The following KCNC1 variants were observed in gnomAD, a reference collection of about 807,000 sequenced individuals.
The protein encoded by KCNC1 is potassium voltage-gated channel subfamily C member 1.
In KCNC1, 8 loss-of-function variants were observed where a neutral mutation model predicts 43.4. The ratio of observed to expected loss-of-function variants is 0.18; its 90% CI spans 0.11 to 0.33. The LOEUF (loss-of-function observed/expected upper bound fraction) is 0.33. Among genes scored for constraint, KCNC1 ranks in the 10% least tolerant of loss-of-function variants. The pLI is 1.00. For missense variants in KCNC1, 420 were observed against 836.0 expected (o/e 0.50, Z 6.14); for synonymous variants, 361 against 360.5 (o/e 1.00, Z -0.01).
chr11:17,740,640 CTG>C (rs145669660), intron 1 of KCNC1, among the ~76,000 whole-genome samples: 9 of 151,838 alleles, frequency 5.9e-5, no homozygotes, highest in Non-Finnish European at 1.2e-4. Flanking sequence ...CCAGAGTGTC[CTG>C]TGTGTGTGTG....
At position 17,779,525 on chromosome 11, in the gene KCNC1, C is replaced by A; in HGVS notation, c.1574C>A (p.Ala525Asp). ...ANEDCPHIDQALTPDEGLPFT... is the reference protein window; with the variant it reads ...ANEDCPHIDQDLTPDEGLPFT... ...GAAGACTGCCCCCACATAGACCAGG[C>A]CCTCACTCCCGATGAGGGCCTGCCC... Residue 525 changes from alanine (A) to aspartate (D), a missense_variant, in exon 3 of 4, where the codon GCC becomes GAC. Ala to Asp is a moderately radical substitution (Grantham distance 126, BLOSUM62 -2). Around this residue, in one of 5 missense-constraint regions of KCNC1, gnomAD observed 147 missense variants for 176.1 expected, o/e 0.83. Transcript: ENST00000265969. The surrounding 1 kb of genome is among the most constrained non-coding windows in gnomAD (Gnocchi z 7.2). The A allele has an allele frequency of 6.4e-7, 1 of 1,551,454 alleles. No individual in the cohort carries two copies.
rs1373925644 is a variant in KCNC1, at chr11:17,758,282, T to C, written c.571-13383T>C. ...GCAATTCAGTCACATCTTCAGGCTCTACTTCTAATTCTAGCTCTCTTGCTA... is the reference window on the plus strand; with the variant it reads ...GCAATTCAGTCACATCTTCAGGCTCCACTTCTAATTCTAGCTCTCTTGCTA... On this transcript the variant is annotated intron_variant, in intron 1 of 3. Coordinates refer to ENST00000265969, the MANE Select transcript of KCNC1 (RefSeq NM_001112741.2). Among the ~76,000 whole-genome samples, 5 of 152,274 alleles carry C rather than the reference T, an allele frequency of 3.3e-5. No homozygotes were observed. The South Asian group carries it at 6.2e-4, about 19-fold the overall frequency.
intron 1 of KCNC1, among the ~76,000 whole-genome samples, chr11:17,766,069 G>C (rs1431057882): frequency 6.6e-6 from 1 of 152,230 alleles, no homozygotes; most frequent in Non-Finnish European, 1.5e-5. Context: ...GGTCGGGAGA[G>C]AGAAGTCTGC....
chr11:17,773,209 G>A lies in KCNC1; in HGVS notation c.1504+611G>A. The A allele has an allele frequency of 5.1e-6, 5 of 986,310 alleles. No individual in the cohort carries two copies. Among genetic ancestry groups the A allele is most frequent in the Non-Finnish European group, 4.8e-6 (4 of 830,612 alleles). The allele number at this position is 986,310 out of a possible 1,614,324, so 61.1% of individuals were successfully genotyped here. On this transcript the variant is annotated intron_variant, in intron 2 of 3. Transcript: ENST00000265969. The surrounding 1 kb of genome is among the most constrained non-coding windows in gnomAD (Gnocchi z 4.1). ...TCGAGGTCCTTCCCAGGAGACGCCT[G>A]TAGCCCTCCGTGACAAGCTTACTTA... is the stretch of plus-strand genomic sequence containing the variant.
Position 17,777,245 on chromosome 11 carries a change from G to C in KCNC1, c.1505-2211G>C, listed in dbSNP as rs751836243. The C allele has an allele frequency of 1.2e-4, 121 of 985,762 alleles. No homozygotes were observed. The highest frequency in any genetic ancestry group is 1.4e-4 in the Non-Finnish European group (114 of 830,062). The allele number at this position is 985,762 out of a possible 1,614,324, so 61.1% of individuals were successfully genotyped here. A position where few individuals can be genotyped will look rare whatever the true frequency, so the allele number is the denominator to read the frequency against. ...ATCTCCACAGAGGCAGAGGCAGAGA[G>C]AAGGCACCCCCCTCTGACCCACCCC... On this transcript the variant is annotated intron_variant, in intron 2 of 3. Coordinates refer to ENST00000265969, the MANE Select transcript of KCNC1 (RefSeq NM_001112741.2). This position sits in a 1 kb window ranked among gnomAD's most constrained non-coding sequence, Gnocchi z 4.3.
chr11:17,750,343 C>A (rs528012211), intron 1 of KCNC1, among the ~76,000 whole-genome samples: 8 of 152,266 alleles, frequency 5.3e-5, no homozygotes, highest in African/African-American at 1.9e-4. Context: ...GAAGCCTCAG[C>A]CGGTTGCCCA....
At chr11:17,737,330 T>A (rs2133775350) in intron 1 of KCNC1, among the ~76,000 whole-genome samples, 1 of 152,176 alleles carries the variant, frequency 6.6e-6, no homozygotes. Flanking sequence ...GTGCTTCCTC[T>A]GGGACATCCC....
At chr11:17,768,677 T>C (rs1175511025) in intron 1 of KCNC1, among the ~76,000 whole-genome samples, 1 of 149,538 alleles carries the variant, frequency 6.7e-6, no homozygotes, top group Non-Finnish European at 1.5e-5. Flanking sequence ...GGGAGGTGCC[T>C]CCAGCCTTCA....
In KCNC1 at chr11:17,776,716, C is replaced by A. The variant is rs756330373; in HGVS notation, c.1505-2740C>A. ...AGCAGGTGGGAATGGAGGCTCCTAG[C>A]CACTATCTCATCCAAAGGATGGGGC... On this transcript the variant is annotated intron_variant, in intron 2 of 3. Coordinates refer to ENST00000265969, the MANE Select transcript of KCNC1 (RefSeq NM_001112741.2). This position sits in a 1 kb window ranked among gnomAD's most constrained non-coding sequence, Gnocchi z 4.4. 2.4e-4 allele frequency: 238 copies of A among 985,210 alleles called. No homozygotes were observed. Among genetic ancestry groups the A allele is most frequent in the Middle Eastern group, 1.0e-3 (2 of 1,936 alleles). The allele number at this position is 985,210 out of a possible 1,614,324, so 61.0% of individuals were successfully genotyped here. A position where few individuals can be genotyped will look rare whatever the true frequency, so the allele number is the denominator to read the frequency against.
chr11:17,775,679 T>C (rs1251586112), intron 2 of KCNC1: 1 of 985,606 alleles, frequency 1.0e-6, no homozygotes, highest in Non-Finnish European at 1.2e-6. Context: ...GCATGTGTCT[T>C]GTCCATCTCC....
chr11:17,778,312 C>T (rs1485631390), intron 2 of KCNC1, among the ~76,000 whole-genome samples: 1 of 152,208 alleles, frequency 6.6e-6, no homozygotes, highest in Admixed American at 6.5e-5. Context: ...ACCAAATGTG[C>T]TCCCAGACCT....
At chr11:17,761,681 C>T (rs1849080383) in intron 1 of KCNC1, among the ~76,000 whole-genome samples, 2 of 152,314 alleles carry the variant, frequency 1.3e-5, no homozygotes, top group Admixed American at 1.3e-4. Flanking sequence ...CAGCACCTAC[C>T]GTGGTCCGTT....
chr11:17,760,202 G>A (rs1011724699), intron 1 of KCNC1, among the ~76,000 whole-genome samples: 7 of 152,162 alleles, frequency 4.6e-5, no homozygotes, highest in South Asian at 2.1e-4. Context: ...TAAAGGATTC[G>A]CCTAGAATTG....
chr11:17,745,365 T>A (rs1848886961), intron 1 of KCNC1, among the ~76,000 whole-genome samples: 1 of 152,146 alleles, frequency 6.6e-6, no homozygotes, highest in Admixed American at 6.5e-5. Flanking sequence ...GACTCCTCTC[T>A]CTCTCAGACA....
chr11:17,768,716 G>A (rs1849187166), intron 1 of KCNC1, among the ~76,000 whole-genome samples: 1 of 152,098 alleles, frequency 6.6e-6, no homozygotes, highest in Admixed American at 6.5e-5. Flanking sequence ...GTGTGCAGTG[G>A]GCCCTGCCTC....
At position 17,777,141 on chromosome 11, in the gene KCNC1, C is replaced by G. The variant is rs746154305; in HGVS notation, c.1505-2315C>G. The G allele has an allele frequency of 2.4e-4, 235 of 983,718 alleles. No homozygotes were observed. Among genetic ancestry groups the G allele is most frequent in the Non-Finnish European group, 2.8e-4 (230 of 829,348 alleles). 60.9% of individuals were successfully genotyped at this position (983,718 alleles called of 1,614,324 possible). A position where few individuals can be genotyped will look rare whatever the true frequency, so the allele number is the denominator to read the frequency against. On this transcript the variant is annotated intron_variant, in intron 2 of 3. Coordinates refer to ENST00000265969, the MANE Select transcript of KCNC1 (RefSeq NM_001112741.2). The surrounding 1 kb of genome is among the most constrained non-coding windows in gnomAD (Gnocchi z 4.3). Reference sequence around the variant, plus strand: ...AGTGATTGTGAGAGCTGGGAGCCCCCAGGGCCTGGGGGCTTGTGGACAGAA... The same window carrying G: ...AGTGATTGTGAGAGCTGGGAGCCCCGAGGGCCTGGGGGCTTGTGGACAGAA...
chr11:17,749,119 A>G (rs905228006), intron 1 of KCNC1, among the ~76,000 whole-genome samples: 7 of 152,214 alleles, frequency 4.6e-5, no homozygotes, highest in Middle Eastern at 3.4e-3. Context: ...CCAGGGCCCA[A>G]TTCTGGGTCT....
In KCNC1 at chr11:17,739,031, C is replaced by T. The variant is rs1848802509; in HGVS notation, c.570+2459C>T. Reference sequence around the variant, plus strand: ...ATTAGAACCCCAGCTTCCTGCCGCCCGCCCGGCTGGCCTAGCTGCACTGCG... The same window carrying T: ...ATTAGAACCCCAGCTTCCTGCCGCCTGCCCGGCTGGCCTAGCTGCACTGCG... On this transcript the variant is annotated intron_variant, in intron 1 of 3. Coordinates refer to ENST00000265969, the MANE Select transcript of KCNC1 (RefSeq NM_001112741.2). The surrounding 1 kb of genome is among the most constrained non-coding windows in gnomAD (Gnocchi z 4.2). Among the ~76,000 whole-genome samples the T allele has an allele frequency of 6.6e-6, 1 of 152,232 alleles. No homozygotes were observed. The highest frequency in any genetic ancestry group is 1.5e-5 in the Non-Finnish European group (1 of 68,048).
intron 1 of KCNC1, among the ~76,000 whole-genome samples, chr11:17,746,751 C>T (rs1465659405): frequency 4.6e-5 from 7 of 152,150 alleles, no homozygotes; most frequent in Admixed American, 3.3e-4. Flanking sequence ...CCTGGCTACA[C>T]GATTTTGGGA....
Sources: gnomAD v4.1 joint callset for allele counts (sites outside exome capture counted in the v4.1 genomes callset) on GRCh38, gnomAD v4.1.1 for gene constraint, gnomAD v4.1.1 regional missense constraint, Gnocchi (gnomAD v3.1) non-coding constraint, MANE v1.5 for transcripts, NCBI Gene and HGNC (gene_info 2026-07-23, HGNC 2026-07-21) for gene names.